Variants in ARFGEF3 observed in about 807,000 individuals in gnomAD.
ARFGEF3 encodes ARFGEF family member 3.
ARFGEF3 carries 96 observed loss-of-function variants against 221.7 expected under a neutral mutation model. That is an observed-to-expected ratio of 0.43 (90% CI 0.37 to 0.51). The LOEUF is 0.51. Ranked by LOEUF, ARFGEF3 falls within the 20% of genes least tolerant of loss-of-function variation. ARFGEF3 has a pLI of 0.00. For synonymous variants in ARFGEF3, 1,145 were observed against 1,126.8 expected, an observed-to-expected ratio of 1.02 and a Z score of -0.32; for missense variants, 2,410 against 2,789.9, an observed-to-expected ratio of 0.86 and a Z score of 3.07.
Position 138,334,964 on chromosome 6 carries a change from G to C in ARFGEF3, c.6118G>C (p.Ala2040Pro), listed in dbSNP as rs760910446. ...GAGGAAACAGCAGCACAACCTGTCCGCGTTCCCCAAAGAGGTCAAAGTGGA... is the reference window on the plus strand; with the variant it reads ...GAGGAAACAGCAGCACAACCTGTCCCCGTTCCCCAAAGAGGTCAAAGTGGA... ...KKRKQQHNLS[A>P]FPKEVKVEKK... Residue 2040 changes from alanine to proline, a missense_variant, in exon 33 of 34, where the codon GCG (alanine) becomes CCG (proline). Ala to Pro is a conservative substitution (Grantham distance 27). Around this residue, in one of 5 missense-constraint regions of ARFGEF3, gnomAD observed 339 missense variants for 334.9 expected, o/e 1.01. Coordinates refer to ENST00000251691, the MANE Select transcript of ARFGEF3 (RefSeq NM_020340.5). This position sits in a 1 kb window ranked among gnomAD's most constrained non-coding sequence, Gnocchi z 5.1. 6.3e-7 allele frequency: 1 copy of C among 1,586,210 alleles called. No individual in the cohort carries two copies. Among genetic ancestry groups the C allele is most frequent in the Non-Finnish European group, 8.6e-7 (1 of 1,166,900 alleles).
Position 138,334,749 on chromosome 6 carries a change from A to G in ARFGEF3, c.5903A>G (p.Gln1968Arg), listed in dbSNP as rs1780290031. The G allele has an allele frequency of 3.7e-6, 6 of 1,610,462 alleles. No homozygotes were observed. Among genetic ancestry groups the G allele is most frequent in the Non-Finnish European group, 5.1e-6 (6 of 1,177,700 alleles). Residue 1968 changes from glutamine to arginine, a missense_variant, in exon 33 of 34, where the codon CAG (glutamine) becomes CGG (arginine). Gln to Arg is a conservative substitution (Grantham distance 43). Around this residue, in one of 5 missense-constraint regions of ARFGEF3, gnomAD observed 339 missense variants for 334.9 expected, o/e 1.01. Transcript: ENST00000251691. This position sits in a 1 kb window ranked among gnomAD's most constrained non-coding sequence, Gnocchi z 5.1. ...ACCCCTTCCGAGGATGACAGAAGCC[A>G]GTCCCGGGAGCACATGGGCGAGTCC... is the stretch of plus-strand genomic sequence containing the variant. Reference protein sequence around the residue: ...KETPSEDDRSQSREHMGESLS... With the variant: ...KETPSEDDRSRSREHMGESLS...
At chr6:138,173,196 CACAAGAT>C (rs1364885395) in intron 2 of ARFGEF3, among the ~76,000 whole-genome samples, 1 of 151,800 alleles carries the variant, frequency 6.6e-6, no homozygotes, top group East Asian at 1.9e-4. Context: ...CTGTCGTATT[CACAAGAT>C]ACATTTCAAA....
chr6:138,334,626 A>T lies in ARFGEF3; in HGVS notation c.5780A>T (p.Glu1927Val), dbSNP rs1327233262. The stretch of plus-strand genomic sequence containing the variant: ...CACTTGGACCTGGAGAACTGTATGG[A>T]GGAGCCTCCCATCTTCAAGGGCGAC... Reference protein sequence around the residue: ...QMHLDLENCMEEPPIFKGDPF... With the variant: ...QMHLDLENCMVEPPIFKGDPF... Residue 1927 changes from glutamate to valine, a missense_variant, in exon 33 of 34, where the codon GAG becomes GTG. By Grantham distance (121) the Glu-to-Val change is moderately radical. Transcript: ENST00000251691. This position sits in a 1 kb window ranked among gnomAD's most constrained non-coding sequence, Gnocchi z 5.1. 6.2e-7 allele frequency: 1 copy of T among 1,613,584 alleles called. No individual in the cohort carries two copies. Among genetic ancestry groups the T allele is most frequent in the East Asian group, 2.2e-5 (1 of 44,876 alleles).
intron 4 of ARFGEF3, among the ~76,000 whole-genome samples, chr6:138,214,789 TA>T (rs961294834): frequency 5.9e-5 from 9 of 152,196 alleles, no homozygotes; most frequent in African/African-American, 2.4e-5. Flanking sequence ...ATCAGAGGGT[TA>T]AAAAAAATCA....
chr6:138,205,188 C>T (rs1225313035), intron 2 of ARFGEF3, among the ~76,000 whole-genome samples: 1 of 152,176 alleles, frequency 6.6e-6, no homozygotes, highest in Non-Finnish European at 1.5e-5. Flanking sequence ...ACATGGCATC[C>T]AATCTTGTTG....
At chr6:138,203,577 A>G (rs1462794585) in intron 2 of ARFGEF3, among the ~76,000 whole-genome samples, 1 of 152,230 alleles carries the variant, frequency 6.6e-6, no homozygotes, top group African/African-American at 2.4e-5. Flanking sequence ...GGATGGTTGA[A>G]TGATGGAGTG....
intron 22 of ARFGEF3, among the ~76,000 whole-genome samples, chr6:138,301,498 A>G (rs1488515576): frequency 1.3e-5 from 2 of 152,226 alleles, no homozygotes; most frequent in Non-Finnish European, 2.9e-5. Flanking sequence ...TGGCTTGTCA[A>G]TTACAAGTGA....
chr6:138,310,563 T>G (rs1043742583), intron 24 of ARFGEF3, among the ~76,000 whole-genome samples: 1 of 152,150 alleles, frequency 6.6e-6, no homozygotes, highest in African/African-American at 2.4e-5. Context: ...TTGTTTTTTT[T>G]AAGGAGAAAC....
intron 30 of ARFGEF3, 110 bp downstream of exon 30, chr6:138,323,883 A>G: frequency 6.5e-7 from 1 of 1,538,394 alleles, no homozygotes; most frequent in Non-Finnish European, 8.9e-7. Flanking sequence ...AGGCAGTCTC[A>G]CTTTAGATCT....
chr6:138,199,323 T>A (rs960132224), intron 2 of ARFGEF3, among the ~76,000 whole-genome samples: 1 of 152,242 alleles, frequency 6.6e-6, no homozygotes, highest in African/African-American at 2.4e-5. Flanking sequence ...CAGACAGTTA[T>A]TTGATAAATG....
chr6:138,165,545 TGA>T (rs1450052519), intron 1 of ARFGEF3, among the ~76,000 whole-genome samples: 10 of 147,122 alleles, frequency 6.8e-5, no homozygotes, highest in African/African-American at 2.6e-4. Context: ...GAGACCCTCA[TGA>T]GAGAGAGGGG....
chr6:138,304,513 A>G (rs1440052821), intron 22 of ARFGEF3, among the ~76,000 whole-genome samples: 3 of 152,238 alleles, frequency 2.0e-5, no homozygotes, highest in African/African-American at 4.8e-5. Flanking sequence ...ATGTATGTAT[A>G]CATAATGTAA....
At chr6:138,214,222 A>G (rs1368208231) in intron 4 of ARFGEF3, among the ~76,000 whole-genome samples, 1 of 152,192 alleles carries the variant, frequency 6.6e-6, no homozygotes, top group African/African-American at 2.4e-5. Flanking sequence ...CCCAAAAATT[A>G]TAGAAGAGAG....
chr6:138,229,847 G>A lies in ARFGEF3; in HGVS notation c.415G>A (p.Ala139Thr), dbSNP rs546221674. ...GAATGGGAGTGCCGTGCTGAAGATC[G>A]CGGAGGTGAGTACTGCTTGTGTCTG... ...DLNGSAVLKIAEVCIETYISS... is the reference protein window; with the variant it reads ...DLNGSAVLKITEVCIETYISS... The change falls in exon 5 of 34, where the codon GCG (alanine) becomes ACG (threonine). Residue 139 changes from alanine to threonine, a missense_variant. Ala to Thr is a moderately conservative substitution (Grantham distance 58, BLOSUM62 0). This residue lies in a region of ARFGEF3 where 570 missense variants were observed against 586.9 expected (regional missense o/e 0.97). Coordinates refer to ENST00000251691, the MANE Select transcript of ARFGEF3 (RefSeq NM_020340.5). 7.3e-5 allele frequency: 117 copies of A among 1,613,316 alleles called. 1 individual carries two copies. Among genetic ancestry groups the A allele is most frequent in the Admixed American group, 2.7e-4 (16 of 59,982 alleles).
rs775072793 is a variant in ARFGEF3 at position 138,280,100 on chromosome 6, T to G, written c.2397T>G (p.Leu799=). 1 of 1,613,910 alleles carries G rather than the reference T, an allele frequency of 6.2e-7. No individual in the cohort carries two copies. The highest frequency in any genetic ancestry group is 8.5e-7 in the Non-Finnish European group (1 of 1,179,810). ...ATCAGGTGCTCGACAGGAACATGCT[T>G]GGAGAGGCTGGCTATTGGGGCAGCC... is the stretch of plus-strand genomic sequence containing the variant. ...LYHQVLDRNM[L]GEAGYWGSPE... is the part of the protein sequence containing the mutation. The change falls in exon 14 of 34, where the codon CTT becomes CTG. Residue 799 remains leucine, a synonymous_variant. Coordinates refer to ENST00000251691, the MANE Select transcript of ARFGEF3 (RefSeq NM_020340.5).
chr6:138,276,653 G>A (rs193276166), intron 12 of ARFGEF3, among the ~76,000 whole-genome samples: 85 of 151,826 alleles, frequency 5.6e-4, no homozygotes, highest in African/African-American at 1.7e-3. Context: ...ACAATTTAAC[G>A]TGCTTTTTGT....
At position 138,265,076 on chromosome 6, in the gene ARFGEF3, T is replaced by C. The variant is rs574311339; in HGVS notation, c.2128+1465T>C. Among the ~76,000 whole-genome samples, 154 of 152,200 alleles carry C rather than the reference T, an allele frequency of 1.0e-3. No individual in the cohort carries two copies. The South Asian group carries it at 0.01, about 10-fold the overall frequency. On this transcript the variant is annotated intron_variant, in intron 12 of 33. Transcript: ENST00000251691. The stretch of plus-strand genomic sequence containing the variant: ...CCACCACCACACCGGGCTAATTTTT[T>C]GTATTTTTAGTAGAGACAGGGTTTC...
chr6:138,315,471 G>T (rs565915998), intron 26 of ARFGEF3, among the ~76,000 whole-genome samples: 2 of 152,256 alleles, frequency 1.3e-5, no homozygotes, highest in African/African-American at 2.4e-5. Context: ...TTGAGGGGAA[G>T]GTTTTTTGTT....
intron 8 of ARFGEF3, among the ~76,000 whole-genome samples, chr6:138,247,930 G>A (rs1476031180): frequency 1.3e-5 from 2 of 152,248 alleles, no homozygotes; most frequent in African/African-American, 2.4e-5. Context: ...TGTCCACCAC[G>A]GGAAACCACA....
Sources: allele counts gnomAD v4.1 joint callset (sites outside exome capture counted in the v4.1 genomes callset), GRCh38; gene constraint gnomAD v4.1.1; regional missense constraint gnomAD v4.1.1; non-coding constraint Gnocchi (gnomAD v3.1); transcripts MANE v1.5; gene names NCBI Gene and HGNC (gene_info 2026-07-23, HGNC 2026-07-21).